Variants in ATP6V1H observed in about 807,000 individuals in gnomAD.
ATP6V1H encodes the protein ATPase H+ transporting V1 subunit H.
ATP6V1H carries 39 observed loss-of-function variants against 71.7 expected under a neutral mutation model. The observed-to-expected ratio is 0.54, with a 90% CI of 0.42 to 0.71. The LOEUF is 0.71. Among genes scored for constraint, ATP6V1H ranks in the 30% least tolerant of loss-of-function variants. The pLI, the probability that ATP6V1H is intolerant of heterozygous loss-of-function variation, is 0.00. For synonymous variants in ATP6V1H, 192 were observed against 199.3 expected, an observed-to-expected ratio of 0.96 and a Z score of 0.31; for missense variants, 509 against 594.9, an observed-to-expected ratio of 0.86 and a Z score of 1.50.
intron 7 of ATP6V1H, among the ~76,000 whole-genome samples, chr8:53,806,587 A>T (rs1049984564): frequency 2.0e-5 from 3 of 152,002 alleles, no homozygotes; most frequent in Admixed American, 1.3e-4. Context: ...CAGCATAACT[A>T]AAAAAAAGTG....
intron 13 of ATP6V1H, among the ~76,000 whole-genome samples, chr8:53,743,118 A>T (rs1447399692): frequency 6.6e-6 from 1 of 152,270 alleles, no homozygotes; most frequent in Non-Finnish European, 1.5e-5. Context: ...TAGTTACTTC[A>T]AAAGCAAAAA....
intron 13 of ATP6V1H, among the ~76,000 whole-genome samples, chr8:53,730,315 C>T (rs1806974111): frequency 1.3e-5 from 2 of 152,140 alleles, no homozygotes; most frequent in South Asian, 2.1e-4. Context: ...TGGAGAAGAA[C>T]AAGAAAAACA....
At position 53,790,664 on chromosome 8, in the gene ATP6V1H, T is replaced by A. The variant is rs548296551; in HGVS notation, c.870+4983A>T. 2.0e-5 allele frequency among the ~76,000 whole-genome samples: 3 copies of A among 152,276 alleles called. 1 individual carries two copies. The highest frequency in any genetic ancestry group is 7.2e-5 in the African/African-American group (3 of 41,542). On this transcript the variant is annotated intron_variant, in intron 9 of 13. Transcript: ENST00000359530. ...CAGCGAACCTGACTGCCACTGCACATGCCAGCACACTCACTACAGGCCTGA... is the reference window on the plus strand; with the variant it reads ...CAGCGAACCTGACTGCCACTGCACAAGCCAGCACACTCACTACAGGCCTGA...
intron 13 of ATP6V1H, among the ~76,000 whole-genome samples, chr8:53,731,091 ACTT>A (rs1419330834): frequency 1.3e-5 from 2 of 152,162 alleles, no homozygotes; most frequent in African/African-American, 4.8e-5. Flanking sequence ...TCCCAGTTCC[ACTT>A]CTGACAACAC....
intron 13 of ATP6V1H, among the ~76,000 whole-genome samples, chr8:53,723,774 G>A (rs1585716805): frequency 1.3e-5 from 2 of 152,296 alleles, no homozygotes; most frequent in African/African-American, 2.4e-5. Context: ...TCACGTGGCC[G>A]TTGAGTCCTT....
intron 12 of ATP6V1H, among the ~76,000 whole-genome samples, chr8:53,752,441 G>A (rs1158378020): frequency 6.6e-6 from 1 of 152,182 alleles, no homozygotes; most frequent in Non-Finnish European, 1.5e-5. Context: ...CAAACTCTCT[G>A]GCCAAGCTTC....
chr8:53,742,717 A>G (rs1341120742), intron 13 of ATP6V1H, among the ~76,000 whole-genome samples: 5 of 152,212 alleles, frequency 3.3e-5, no homozygotes, highest in Non-Finnish European at 7.3e-5. Context: ...ACTCCTGGAT[A>G]TTCTCCTACA....
Position 53,819,754 on chromosome 8 carries a change from TAC to T in ATP6V1H, c.307-2226_307-2225del, listed in dbSNP as rs552245914. ...ATATAGTATATAGTGTGTGTATATA[TAC>T]ACACATTTGTATATACATAGTATAT... is the stretch of plus-strand genomic sequence containing the variant. On this transcript the variant is annotated intron_variant, in intron 4 of 13. Transcript: ENST00000359530. Among the ~76,000 whole-genome samples, 107 of 144,130 alleles carry T rather than the reference TAC, an allele frequency of 7.4e-4. 1 individual carries two copies. The highest frequency in any genetic ancestry group is 2.5e-3 in the African/African-American group (100 of 39,240). The allele number at this position is 144,130 out of a possible 152,430, so 94.6% of individuals were successfully genotyped here.
At chr8:53,818,291 G>T (rs1265445977) in intron 4 of ATP6V1H, among the ~76,000 whole-genome samples, 2 of 151,696 alleles carry the variant, frequency 1.3e-5, no homozygotes, top group Non-Finnish European at 2.9e-5. Flanking sequence ...ATTTCCATAG[G>T]TTACTCGAGA....
chr8:53,820,981 C>CAA (rs749738155), intron 4 of ATP6V1H, among the ~76,000 whole-genome samples: 2 of 54,486 alleles, frequency 3.7e-5, no homozygotes, highest in African/African-American at 7.2e-5. Context: ...AACTCTGTCT[C>CAA]AAAAAAAAAA....
chr8:53,792,629 G>A (rs1024505577), intron 9 of ATP6V1H, among the ~76,000 whole-genome samples: 5 of 152,154 alleles, frequency 3.3e-5, no homozygotes, highest in African/African-American at 2.4e-5. Flanking sequence ...GAGATAGCAG[G>A]GTGGTTAAGA....
At chr8:53,755,685 C>T (rs1426961571) in intron 12 of ATP6V1H, among the ~76,000 whole-genome samples, 4 of 24,252 alleles carry the variant, frequency 1.6e-4, no homozygotes, top group East Asian at 1.9e-3. Flanking sequence ...TACCAGCGTA[C>T]ATATATATAT....
At chr8:53,763,841 G>A (rs1030673103) in intron 11 of ATP6V1H, among the ~76,000 whole-genome samples, 1 of 152,198 alleles carries the variant, frequency 6.6e-6, no homozygotes, top group African/African-American at 2.4e-5. Flanking sequence ...AGCAGAAACT[G>A]CTGTTGGATC....
chr8:53,792,543 T>A (rs1422084460), intron 9 of ATP6V1H, among the ~76,000 whole-genome samples: 3 of 152,190 alleles, frequency 2.0e-5, no homozygotes, highest in African/African-American at 7.2e-5. Context: ...TAGCTTTGGT[T>A]TTCCTTTTCA....
chr8:53,718,396 T>G (rs1327303918), intron 13 of ATP6V1H, among the ~76,000 whole-genome samples: 1 of 150,948 alleles, frequency 6.6e-6, no homozygotes, highest in African/African-American at 2.4e-5. Context: ...TTTTTTTTTT[T>G]TTTTTTTTTT....
chr8:53,814,288 C>T (rs1810376898), intron 6 of ATP6V1H, among the ~76,000 whole-genome samples: 1 of 152,152 alleles, frequency 6.6e-6, no homozygotes, highest in African/African-American at 2.4e-5. Context: ...ATGCTCTCTC[C>T]TGCTGTACCG....
chr8:53,775,184 G>A (rs573640306), intron 9 of ATP6V1H, among the ~76,000 whole-genome samples: 17 of 152,138 alleles, frequency 1.1e-4, no homozygotes, highest in Admixed American at 8.5e-4. Context: ...TTAAGGCGGC[G>A]CATGTGGAGT....
At chr8:53,814,253 G>A (rs1286444617) in intron 6 of ATP6V1H, among the ~76,000 whole-genome samples, 5 of 152,232 alleles carry the variant, frequency 3.3e-5, no homozygotes, top group Middle Eastern at 3.4e-3. Context: ...AGGGAGCTGC[G>A]CCTGGAAATC....
At chr8:53,801,719 G>C (rs1809915116) in intron 8 of ATP6V1H, 80 bp downstream of exon 8, 2 of 1,139,900 alleles carry the variant, frequency 1.8e-6, no homozygotes, top group Non-Finnish European at 2.5e-6. Context: ...ATTTCTTTTA[G>C]ATGATTACAT....
Sources: allele counts gnomAD v4.1 joint callset (sites outside exome capture counted in the v4.1 genomes callset), GRCh38; gene constraint gnomAD v4.1.1; transcripts MANE v1.5; gene names NCBI Gene and HGNC (gene_info 2026-07-23, HGNC 2026-07-21).